The following LRBA variants were observed in gnomAD, a reference collection of about 807,000 sequenced individuals.
LRBA encodes the protein lipopolysaccharide-responsive and beige-like anchor protein.
In LRBA, 176 loss-of-function variants were observed where a neutral mutation model predicts 330.0. The observed-to-expected ratio is 0.53, with a 90% confidence interval of 0.47 to 0.60. The LOEUF (loss-of-function observed/expected upper bound fraction) is 0.60. LRBA is among the 20% of genes least tolerant of loss of function. The probability of loss-of-function intolerance (pLI) is 0.00; values close to 1 mark genes in which losing one functional copy is unlikely to be tolerated. For missense variants in LRBA, 3,259 were observed against 3,444.8 expected (o/e 0.95, Z 1.35); for synonymous variants, 1,230 against 1,193.0 (o/e 1.03, Z -0.64).
intron 40 of LRBA, among the ~76,000 whole-genome samples, chr4:150,518,688 T>C (rs1437638323): frequency 6.6e-6 from 1 of 152,204 alleles, no homozygotes. Flanking sequence ...TTGTTTTCTA[T>C]CAGGCACCAA....
intron 40 of LRBA, among the ~76,000 whole-genome samples, chr4:150,510,830 TTTTA>T: frequency 6.6e-6 from 1 of 152,006 alleles, no homozygotes; most frequent in Non-Finnish European, 1.5e-5. Context: ...TCTCAAATTC[TTTTA>T]TTTTTTATTA....
intron 49 of LRBA, among the ~76,000 whole-genome samples, chr4:150,324,951 A>T (rs1733038814): frequency 6.6e-6 from 1 of 152,044 alleles, no homozygotes; most frequent in South Asian, 2.1e-4. Context: ...AAATTTCAGG[A>T]ACTATAAAGG....
intron 41 of LRBA, 131 bp from the exon 42 acceptor site, chr4:150,487,965 T>A: frequency 2.3e-6 from 1 of 427,692 alleles, no homozygotes. Context: ...ATATTCCTTT[T>A]ATATAGTATA....
chr4:150,635,203 A>G (rs1777772441), intron 37 of LRBA, among the ~76,000 whole-genome samples: 1 of 152,176 alleles, frequency 6.6e-6, no homozygotes, highest in Non-Finnish European at 1.5e-5. Flanking sequence ...TTCTACCATA[A>G]GGCTGTTTTT....
intron 44 of LRBA, among the ~76,000 whole-genome samples, chr4:150,445,402 T>C (rs1161416036): frequency 7.2e-6 from 1 of 139,194 alleles, no homozygotes. Context: ...TATATATATA[T>C]ATATATATAC....
chr4:150,315,446 T>C (rs958718199), intron 51 of LRBA, 115 bp downstream of exon 51: 3 of 856,898 alleles, frequency 3.5e-6, no homozygotes, highest in South Asian at 1.4e-5. Context: ...ATGCAAATGG[T>C]TTATCAGGAA....
chr4:150,722,198 C>T (rs74519125), intron 36 of LRBA, among the ~76,000 whole-genome samples: 4,229 of 152,108 alleles, frequency 0.028, 185 homozygotes, highest in African/African-American at 0.096. Context: ...TATATTTCCA[C>T]ACCCAGAAAA....
At chr4:150,735,610 GATTA>G (rs1560748167) in intron 35 of LRBA, among the ~76,000 whole-genome samples, 1 of 152,120 alleles carries the variant, frequency 6.6e-6, no homozygotes, top group Non-Finnish European at 1.5e-5. Flanking sequence ...AAAAATACTG[GATTA>G]AAGTTGTGTT....
intron 2 of LRBA, among the ~76,000 whole-genome samples, chr4:150,934,725 T>C (rs762028290): frequency 5.9e-5 from 9 of 151,378 alleles, no homozygotes; most frequent in Non-Finnish European, 1.3e-4. Context: ...ATACAAAAAT[T>C]AGGCCGGGCA....
At chr4:150,510,959 G>A (rs549469313) in intron 40 of LRBA, among the ~76,000 whole-genome samples, 2 of 152,116 alleles carry the variant, frequency 1.3e-5, no homozygotes, top group Non-Finnish European at 2.9e-5. Flanking sequence ...GGGTTCAAGC[G>A]ATTCTCCTGC....
At chr4:150,598,143 T>G (rs995553409) in intron 38 of LRBA, among the ~76,000 whole-genome samples, 1 of 152,178 alleles carries the variant, frequency 6.6e-6, no homozygotes, top group East Asian at 1.9e-4. Flanking sequence ...AGCTCCTGCA[T>G]GTTAAAACAA....
At chr4:150,906,521 A>G in intron 11 of LRBA, 116 bp from the exon 12 acceptor site, 1 of 584,900 alleles carries the variant, frequency 1.7e-6, no homozygotes, top group Non-Finnish European at 3.0e-6. Flanking sequence ...TTTCAAAGAA[A>G]TTGAAGCTCC....
At chr4:150,592,301 T>C (rs1373503709) in intron 38 of LRBA, among the ~76,000 whole-genome samples, 1 of 151,778 alleles carries the variant, frequency 6.6e-6, no homozygotes, top group African/African-American at 2.4e-5. Context: ...GCACATGTGT[T>C]ACCTGATTTG....
At chr4:150,784,647 T>C (rs1023873429) in intron 34 of LRBA, among the ~76,000 whole-genome samples, 1 of 152,216 alleles carries the variant, frequency 6.6e-6, no homozygotes, top group Non-Finnish European at 1.5e-5. Context: ...TCCACTGCAT[T>C]TGGGGTTCCC....
intron 40 of LRBA, among the ~76,000 whole-genome samples, chr4:150,544,682 C>A (rs943540324): frequency 2.6e-5 from 4 of 152,132 alleles, no homozygotes; most frequent in Non-Finnish European, 5.9e-5. Context: ...TTAAGAAAAA[C>A]CATGTTTGTC....
chr4:150,989,097 G>A (rs905143061), intron 2 of LRBA, among the ~76,000 whole-genome samples: 2 of 151,924 alleles, frequency 1.3e-5, no homozygotes, highest in African/African-American at 4.8e-5. Context: ...CTGCCTCCAG[G>A]GTTTAAGCAA....
chr4:150,832,118 T>C (rs1039212433), intron 28 of LRBA, 142 bp from the exon 29 acceptor site: 1 of 446,606 alleles, frequency 2.2e-6, no homozygotes, highest in South Asian at 8.4e-5. Flanking sequence ...AATAATAAAT[T>C]TATTAATAAA....
intron 35 of LRBA, among the ~76,000 whole-genome samples, chr4:150,753,493 A>T (rs905710532): frequency 3.3e-5 from 5 of 152,196 alleles, no homozygotes; most frequent in African/African-American, 4.8e-5. Context: ...TTAATAAATG[A>T]TCCTACGTAC....
At chr4:150,788,239 ATTTTTTTTTTTTTTT>A (rs377479266) in intron 34 of LRBA, among the ~76,000 whole-genome samples, 97 of 123,206 alleles carry the variant, frequency 7.9e-4, no homozygotes, top group Non-Finnish European at 9.3e-4. Flanking sequence ...CACCCGGTTA[ATTTTTTTTTTTTTTT>A]TTTTTTTTTT....
Sources: allele counts gnomAD v4.1 joint callset (sites outside exome capture counted in the v4.1 genomes callset), GRCh38; gene constraint gnomAD v4.1.1; transcripts MANE v1.5; gene names NCBI Gene and HGNC (gene_info 2026-07-23, HGNC 2026-07-21).